Variants in ACSS3 observed in about 807,000 individuals in gnomAD.
The protein encoded by ACSS3 is acyl-CoA synthetase short chain family member 3.
Under a neutral mutation model 84.2 loss-of-function variants are expected in ACSS3, and 64 were observed. The observed-to-expected ratio is 0.76, with a 90% confidence interval of 0.62 to 0.94. The LOEUF (loss-of-function observed/expected upper bound fraction) is 0.94. Among genes scored for constraint, ACSS3 ranks in the 40% least tolerant of loss-of-function variants. The pLI is 0.00. For missense variants in ACSS3, 815 were observed against 867.6 expected, an observed-to-expected ratio of 0.94 and a Z score of 0.76; for synonymous variants, 317 against 310.1, an observed-to-expected ratio of 1.02 and a Z score of -0.23.
At chr12:81,153,134 A>G (rs1379829370) in intron 7 of ACSS3, among the ~76,000 whole-genome samples, 1 of 152,194 alleles carries the variant, frequency 6.6e-6, no homozygotes, top group Non-Finnish European at 1.5e-5. Flanking sequence ...TGGGCTGGGC[A>G]TGTTGGCTTA....
chr12:81,218,964 G>A (rs1271201250), intron 10 of ACSS3, among the ~76,000 whole-genome samples: 1 of 151,810 alleles, frequency 6.6e-6, no homozygotes, highest in Non-Finnish European at 1.5e-5. Context: ...ATCCTTTTAG[G>A]AAAGAAAAGA....
intron 11 of ACSS3, among the ~76,000 whole-genome samples, chr12:81,229,804 C>T (rs1310316532): frequency 2.0e-5 from 3 of 151,874 alleles, no homozygotes; most frequent in East Asian, 1.9e-4. Flanking sequence ...AAATAAAGAG[C>T]ATCTAGCAAA....
At chr12:81,236,566 G>A (rs2033637880) in intron 13 of ACSS3, among the ~76,000 whole-genome samples, 1 of 151,058 alleles carries the variant, frequency 6.6e-6, no homozygotes. Context: ...GCATCTATTT[G>A]TTTTTATGTT....
chr12:81,174,655 G>A (rs1020722796), intron 7 of ACSS3, 133 bp from the exon 8 acceptor site: 84 of 972,598 alleles, frequency 8.6e-5, no homozygotes, highest in Non-Finnish European at 1.1e-4. Flanking sequence ...ATAGAACATG[G>A]AAATATTTTA....
chr12:81,092,339 A>G (rs544379926), intron 1 of ACSS3, among the ~76,000 whole-genome samples: 19 of 152,284 alleles, frequency 1.2e-4, no homozygotes, highest in African/African-American at 3.6e-4. Flanking sequence ...CATTTTGCTT[A>G]TAGTAAAATA....
At chr12:81,183,678 A>G (rs2031081890) in intron 8 of ACSS3, among the ~76,000 whole-genome samples, 1 of 152,136 alleles carries the variant, frequency 6.6e-6, no homozygotes, top group Non-Finnish European at 1.5e-5. Flanking sequence ...TAGACTTCAA[A>G]TCAAAAGCTG....
chr12:81,243,223 A>T (rs2033870184), intron 13 of ACSS3, among the ~76,000 whole-genome samples: 2 of 152,146 alleles, frequency 1.3e-5, no homozygotes, highest in Non-Finnish European at 2.9e-5. Flanking sequence ...TAACAGACAA[A>T]CAGAGAGCCA....
chr12:81,168,537 G>A (rs1887508895), intron 7 of ACSS3, among the ~76,000 whole-genome samples: 3 of 152,172 alleles, frequency 2.0e-5, no homozygotes, highest in African/African-American at 7.2e-5. Context: ...AACACTGGAT[G>A]AGAGTGATAC....
chr12:81,256,148 T>A lies in ACSS3; in HGVS notation c.*1226T>A, dbSNP rs1435223729. On this transcript the variant is annotated 3_prime_UTR_variant, in exon 16 of 16. Coordinates refer to ENST00000548058, the MANE Select transcript of ACSS3 (RefSeq NM_024560.4). ...AGTAGAAAATGGTGAAGACTGCAGATCACCTGCTATACCTCAAGGAGCAGC... is the reference window on the plus strand; with the variant it reads ...AGTAGAAAATGGTGAAGACTGCAGAACACCTGCTATACCTCAAGGAGCAGC... 2 of 152,074 alleles carry A rather than the reference T, an allele frequency of 1.3e-5. 1 individual carries two copies. Among genetic ancestry groups the A allele is most frequent in the Non-Finnish European group, 2.9e-5 (2 of 68,016 alleles). The allele number at this position is 152,074 out of a possible 1,614,324, so 9.4% of individuals were successfully genotyped here.
At chr12:81,238,095 C>CAA (rs758590721) in intron 13 of ACSS3, among the ~76,000 whole-genome samples, 12 of 151,626 alleles carry the variant, frequency 7.9e-5, no homozygotes, top group Non-Finnish European at 1.5e-4. Context: ...AAATGTTTTA[C>CAA]TTTTTCTGCA....
At chr12:81,098,580 TTAAG>T (rs561512346) in intron 1 of ACSS3, among the ~76,000 whole-genome samples, 163 of 152,306 alleles carry the variant, frequency 1.1e-3, no homozygotes, top group African/African-American at 3.7e-3. Flanking sequence ...CTCATGAAGA[TTAAG>T]TGAGTTAATT....
At chr12:81,140,740 G>T (rs934869461) in intron 4 of ACSS3, among the ~76,000 whole-genome samples, 11 of 152,046 alleles carry the variant, frequency 7.2e-5, no homozygotes, top group African/African-American at 2.7e-4. Flanking sequence ...TAATATAGAA[G>T]GCTTTGGGTA....
chr12:81,141,588 A>G (rs1358598496), intron 4 of ACSS3, among the ~76,000 whole-genome samples: 1 of 152,196 alleles, frequency 6.6e-6, no homozygotes, highest in African/African-American at 2.4e-5. Context: ...TCTCCTTTGC[A>G]CATACCTCTG....
chr12:81,196,685 C>T (rs960172647), intron 8 of ACSS3, among the ~76,000 whole-genome samples: 3 of 151,982 alleles, frequency 2.0e-5, no homozygotes, highest in Non-Finnish European at 4.4e-5. Context: ...GAAGCAAATG[C>T]CACATCTGCT....
chr12:81,224,573 C>CGTGTGT (rs1565730437), intron 11 of ACSS3, among the ~76,000 whole-genome samples: 1 of 135,204 alleles, frequency 7.4e-6, no homozygotes, highest in African/African-American at 2.9e-5. Context: ...CACACACACA[C>CGTGTGT]ATGTGTGTGT....
intron 2 of ACSS3, among the ~76,000 whole-genome samples, chr12:81,129,023 A>G (rs867454248): frequency 5.3e-5 from 8 of 152,188 alleles, no homozygotes; most frequent in Non-Finnish European, 1.2e-4. Context: ...CGTACTATTG[A>G]TTCTGTAAAC....
intron 7 of ACSS3, among the ~76,000 whole-genome samples, chr12:81,168,474 C>T (rs931288363): frequency 1.3e-5 from 2 of 152,070 alleles, no homozygotes; most frequent in Non-Finnish European, 2.9e-5. Context: ...TCAGGAACTC[C>T]GTATCTATGA....
chr12:81,154,280 C>G (rs1286338867), intron 7 of ACSS3, among the ~76,000 whole-genome samples: 1 of 152,140 alleles, frequency 6.6e-6, no homozygotes, highest in African/African-American at 2.4e-5. Context: ...AATTGAGATA[C>G]ATACATATTT....
intron 11 of ACSS3, among the ~76,000 whole-genome samples, chr12:81,226,980 CACACACACACAT>C (rs1227012841): frequency 6.6e-6 from 1 of 151,616 alleles, no homozygotes; most frequent in African/African-American, 2.4e-5. Context: ...CACACACACA[CACACACACACAT>C]ATATATATAC....
Sources: allele counts gnomAD v4.1 joint callset (sites outside exome capture counted in the v4.1 genomes callset), GRCh38; gene constraint gnomAD v4.1.1; transcripts MANE v1.5; gene names NCBI Gene and HGNC (gene_info 2026-07-23, HGNC 2026-07-21).